The following AUP1 variants were observed in gnomAD, a reference collection of about 807,000 sequenced individuals.
AUP1 encodes lipid droplet-regulating VLDL assembly factor AUP1.
A neutral mutation model predicts 51.8 loss-of-function variants in AUP1; 30 were observed. That is an observed-to-expected ratio of 0.58 (90% CI 0.43 to 0.79). AUP1 has a LOEUF of 0.79. Among genes scored for constraint, AUP1 ranks in the 30% least tolerant of loss-of-function variants. The pLI is 0.00. For missense variants in AUP1, 492 were observed against 517.1 expected (o/e 0.95, Z 0.47); for synonymous variants, 227 against 209.0 (o/e 1.09, Z -0.74).
chr2:74,527,491 C>T lies in AUP1; in HGVS notation c.941G>A (p.Gly314Asp), dbSNP rs1424135217. 1 of 1,613,394 alleles carries T rather than the reference C, an allele frequency of 6.2e-7. No homozygotes were observed. The highest frequency in any genetic ancestry group is 1.3e-5 in the African/African-American group (1 of 74,926). ...VKEVLPHVPL[G>D]VIQRDLAKTG... ...CATACCCAGGTCTCTCTGGATGACACCCAATGGCACATGGGGCAAAACTTC... is the reference window on the plus strand; with the variant it reads ...CATACCCAGGTCTCTCTGGATGACATCCAATGGCACATGGGGCAAAACTTC... Residue 314 changes from glycine (G) to aspartate (D), a missense_variant, in exon 9 of 12, where the codon GGT becomes GAT. Physicochemically the swap from Gly to Asp is moderately conservative, Grantham distance 94. Coordinates refer to ENST00000377526, the MANE Select transcript of AUP1 (RefSeq NM_181575.5).
At position 74,527,795 on chromosome 2, in the gene AUP1, G is replaced by A; in HGVS notation, c.782C>T (p.Pro261Leu). 2 of 1,614,096 alleles carry A rather than the reference G, an allele frequency of 1.2e-6. No individual in the cohort carries two copies. Among genetic ancestry groups the A allele is most frequent in the Non-Finnish European group, 1.7e-6 (2 of 1,180,016 alleles). ...ELGQTGTRLT[P>L]ADKAEHMKRQ... ...CTTCATGTGCTCTGCTTTGTCAGCT[G>A]GAGTGAGCCGTGTCCCTGTCTGGCC... The change falls in exon 8 of 12, where the codon CCA becomes CTA. Residue 261 changes from proline to leucine, a missense_variant. Transcript: ENST00000377526.
chr2:74,528,701 C>A, intron 4 of AUP1, 50 bp downstream of exon 4: 1 of 1,543,282 alleles, frequency 6.5e-7, no homozygotes, highest in Non-Finnish European at 8.7e-7. Flanking sequence ...CAAGGGCCCA[C>A]AAGCTTGACC....
chr2:74,529,472 G>T lies in AUP1; in HGVS notation c.78C>A (p.Leu26=), dbSNP rs368530188. ...HRLPGDCFLL[L]VLLLYAPVGF... is the part of the protein sequence containing the mutation. ...CGACTGGCGCGTAGAGCAGCAGCAC[G>T]AGCAGTAGGAAGCAGTCACCCGGAA... Residue 26 remains leucine, a synonymous_variant, in exon 2 of 12, where the codon CTC becomes CTA. Coordinates refer to ENST00000377526, the MANE Select transcript of AUP1 (RefSeq NM_181575.5). 8 of 1,559,974 alleles carry T rather than the reference G, an allele frequency of 5.1e-6. No individual in the cohort carries two copies. Among genetic ancestry groups the T allele is most frequent in the African/African-American group, 2.7e-5 (2 of 73,720 alleles).
intron 4 of AUP1, 44 bp from the exon 5 acceptor site, chr2:74,528,533 A>G (rs1558606973): frequency 6.5e-7 from 1 of 1,547,260 alleles, no homozygotes; most frequent in Admixed American, 1.7e-5. Flanking sequence ...CAGCCAGCCT[A>G]GTCAGCAGCT....
rs1675337149 is a variant in AUP1 at position 74,528,828 on chromosome 2, C to T, written c.447G>A (p.Thr149=). The change falls in exon 4 of 12, where the codon ACG becomes ACA. Residue 149 remains threonine, a synonymous_variant. Transcript: ENST00000377526. ...GCAGCAGAGGAGTGGGGGGAAGCCT[C>T]GTGGAAGCACAGAATCTCTTGAGTG... The part of the protein sequence containing the change: ...VESLKRFCAS[T]RLPPTPLLLF... 1 of 1,614,064 alleles carries T rather than the reference C, an allele frequency of 6.2e-7. No homozygotes were observed. The highest frequency in any genetic ancestry group is 2.2e-5 in the East Asian group (1 of 44,886).
At chr2:74,528,222 G>T in intron 6 of AUP1, 26 bp downstream of exon 6, 1 of 1,605,598 alleles carries the variant, frequency 6.2e-7, no homozygotes, top group South Asian at 1.1e-5. Context: ...TCTCCCCAGC[G>T]ACCAAAATGT....
intron 5 of AUP1, 45 bp from the exon 6 acceptor site, chr2:74,528,366 G>T: frequency 6.2e-7 from 1 of 1,611,872 alleles, no homozygotes; most frequent in Non-Finnish European, 8.5e-7. Context: ...GGCCAGGGAT[G>T]GGAAATTTCC....
At position 74,527,063 on chromosome 2, in the gene AUP1, A is replaced by G. The variant is rs1488084956; in HGVS notation, c.1078-4T>C. On this transcript the variant is annotated splice_polypyrimidine_tract_variant and splice_region_variant and intron_variant, in intron 10 of 11. Coordinates refer to ENST00000377526, the MANE Select transcript of AUP1 (RefSeq NM_181575.5). Reference sequence around the variant, plus strand: ...TCACCGGGCCAGAGCTGGGAAACTGAGGTGATCACAATGTCAGAGGGCTTG... The same window carrying G: ...TCACCGGGCCAGAGCTGGGAAACTGGGGTGATCACAATGTCAGAGGGCTTG... 32 of 1,614,046 alleles carry G rather than the reference A, an allele frequency of 2.0e-5. No individual in the cohort carries two copies. The highest frequency in any genetic ancestry group is 2.7e-5 in the African/African-American group (2 of 74,920).
intron 1 of AUP1, 40 bp downstream of exon 1, chr2:74,529,540 G>GA (rs757103628): frequency 1.3e-4 from 209 of 1,550,270 alleles, no homozygotes; most frequent in Non-Finnish European, 1.7e-4. Flanking sequence ...CGAAGGCCGA[G>GA]AGCACGCGGG....
rs577419250 is a variant in AUP1, at chr2:74,527,835, C to A, written c.742G>T (p.Val248Leu). 1 of 1,614,098 alleles carries A rather than the reference C, an allele frequency of 6.2e-7. No homozygotes were observed. Among genetic ancestry groups the A allele is most frequent in the East Asian group, 2.2e-5 (1 of 44,876 alleles). ...CCTGTCTGGCCCAATTCCTTGGCCACCAGCTAGGGAGAATTGGAAGACTGG... is the reference window on the plus strand; with the variant it reads ...CCTGTCTGGCCCAATTCCTTGGCCAACAGCTAGGGAGAATTGGAAGACTGG... Reference protein sequence around the residue: ...EEFALRVQQLVAKELGQTGTR... With the variant: ...EEFALRVQQLLAKELGQTGTR... Residue 248 changes from valine to leucine, a missense_variant, in exon 8 of 12, where the codon GTG (valine) becomes TTG (leucine). Val to Leu is a conservative substitution (Grantham distance 32). Transcript: ENST00000377526.
At chr2:74,527,401 C>G in intron 9 of AUP1, 38 bp from the exon 10 acceptor site, 1 of 1,611,948 alleles carries the variant, frequency 6.2e-7, no homozygotes, top group Non-Finnish European at 8.5e-7. Flanking sequence ...TCCCTACTTA[C>G]TTTCTTCCTT....
rs1487905172 is a variant in AUP1 at position 74,529,626 on chromosome 2, C to G, written c.4G>C (p.Glu2Gln). ...TCCGGCCCCGGCCCTGAGGGAAGCT[C>G]CATAACTGCTGCTTCAGGAGCGCCC... M[E>Q]LPSGPGPERL... The change falls in exon 1 of 12, where the codon GAG becomes CAG. Residue 2 changes from glutamate (E) to glutamine (Q), a missense_variant. By Grantham distance (29) the Glu-to-Gln change is conservative. Coordinates refer to ENST00000377526, the MANE Select transcript of AUP1 (RefSeq NM_181575.5). The G allele has an allele frequency of 6.4e-7, 1 of 1,567,704 alleles. No individual in the cohort carries two copies. Among genetic ancestry groups the G allele is most frequent in the Non-Finnish European group, 8.6e-7 (1 of 1,157,636 alleles).
At position 74,527,021 on chromosome 2, in the gene AUP1, G is replaced by A. The variant is rs1380449092; in HGVS notation, c.1116C>T (p.Ala372=). Residue 372 remains alanine (A), a synonymous_variant, in exon 11 of 12, where the codon GCC becomes GCT. Transcript: ENST00000377526. ...SSGPVTPQPT[A]LTFAKSSWAR... ...CCCAGGAAGACTTGGCAAATGTTAG[G>A]GCTGTTGGCTGAGGGGTCACCGGGC... 1.9e-6 allele frequency: 3 copies of A among 1,614,176 alleles called. No individual in the cohort carries two copies. The highest frequency in any genetic ancestry group is 1.6e-4 in the Middle Eastern group (1 of 6,062).
chr2:74,529,218 G>A lies in AUP1; in HGVS notation c.253C>T (p.Arg85Trp), dbSNP rs1158309717. The change falls in exon 3 of 12, where the codon CGG (arginine) becomes TGG (tryptophan). Residue 85 changes from arginine to tryptophan, a missense_variant. Coordinates refer to ENST00000377526, the MANE Select transcript of AUP1 (RefSeq NM_181575.5). ...ATGAGGACCCTGACACTGTGATCCC[G>A]GAGTCCGGAGTCCTCCTGCCGGGCC... ...LVARQEDSGLRDHSVRVLISN... is the reference protein window; with the variant it reads ...LVARQEDSGLWDHSVRVLISN... 12 of 1,614,198 alleles carry A rather than the reference G, an allele frequency of 7.4e-6. No homozygotes were observed. The highest frequency in any genetic ancestry group is 1.0e-5 in the Non-Finnish European group (12 of 1,180,022).
rs368997893 is a variant in AUP1, at chr2:74,526,809, C to T, written c.1224G>A (p.Glu408=). 1.0e-4 allele frequency: 162 copies of T among 1,546,610 alleles called. No individual in the cohort carries two copies. The highest frequency in any genetic ancestry group is 1.4e-4 in the Non-Finnish European group (159 of 1,144,988). Reference sequence around the variant, plus strand: ...TCCTGTTCCTTTGAGCTCAGTCAGCCTCCTGGGCTCGTCTCTCTGTGAATC... The same window carrying T: ...TCCTGTTCCTTTGAGCTCAGTCAGCTTCCTGGGCTCGTCTCTCTGTGAATC... The part of the protein sequence containing the change: ...RRRFTERRAQ[E]AD Residue 408 remains glutamate (E), a synonymous_variant, in exon 12 of 12, where the codon GAG becomes GAA. Transcript: ENST00000377526.
intron 9 of AUP1, 34 bp downstream of exon 9, chr2:74,527,437 C>G: frequency 6.2e-7 from 1 of 1,610,726 alleles, no homozygotes; most frequent in Non-Finnish European, 8.5e-7. Flanking sequence ...CTCCCTGTGC[C>G]CATCTCCCAG....
In AUP1 at chr2:74,529,012, G is replaced by A. The variant is rs1178317478; in HGVS notation, c.340-77C>T. Reference sequence around the variant, plus strand: ...AAAAAAAACTGACATGTTGGGTAGAGGATCGGGGTTAGGGGTAAGGCTCAG... The same window carrying A: ...AAAAAAAACTGACATGTTGGGTAGAAGATCGGGGTTAGGGGTAAGGCTCAG... On this transcript the variant is annotated intron_variant, in intron 3 of 11. Transcript: ENST00000377526. 4.4e-6 allele frequency: 7 copies of A among 1,604,440 alleles called. No individual in the cohort carries two copies. In the African/African-American group the frequency reaches 8.1e-5, roughly 18 times the overall value.
rs201175737 is a variant in AUP1, at chr2:74,527,911, G to A, written c.738+29C>T. ...CCCTCTCCTCCTAAGCAGGGACCCC[G>A]CCTCCACCCTGTCTGTGCACCCGAC... is the stretch of plus-strand genomic sequence containing the variant. On this transcript the variant is annotated intron_variant, in intron 7 of 11. Coordinates refer to ENST00000377526, the MANE Select transcript of AUP1 (RefSeq NM_181575.5). 649 of 1,613,768 alleles carry A rather than the reference G, an allele frequency of 4.0e-4. No individual in the cohort carries two copies. The highest frequency in any genetic ancestry group is 1.8e-3 in the Admixed American group (109 of 60,018).
In AUP1 at chr2:74,529,383, A is replaced by G. The variant is rs780346944; in HGVS notation, c.167T>C (p.Leu56Pro). 6.2e-7 allele frequency: 1 copy of G among 1,608,906 alleles called. No homozygotes were observed. The highest frequency in any genetic ancestry group is 1.1e-5 in the South Asian group (1 of 90,270). The change falls in exon 2 of 12, where the codon CTG becomes CCG. Residue 56 changes from leucine (L) to proline (P), a missense_variant. Transcript: ENST00000377526. ...GIHVFLVSCA[L>P]PDSVLRRFVV... ...GAACCTGCGAAGGACGCTGTCTGGC[A>G]GCGCGCAGCTGACCAGGAAGACGTG...
Sources: allele counts gnomAD v4.1 joint callset, GRCh38; gene constraint gnomAD v4.1.1; transcripts MANE v1.5; gene names NCBI Gene and HGNC (gene_info 2026-07-23, HGNC 2026-07-21).